BRD4: variants seen among roughly 807,000 people sequenced by gnomAD.
BRD4 encodes the protein bromodomain-containing protein 4.
In BRD4, 16 loss-of-function variants were observed where a neutral mutation model predicts 142.1. The ratio of observed to expected loss-of-function variants is 0.11; its 90% CI spans 0.08 to 0.17. The LOEUF (loss-of-function observed/expected upper bound fraction) is 0.17, where lower values mean the gene tolerates loss of function less well. BRD4 is among the 10% of genes least tolerant of loss of function. The probability of loss-of-function intolerance (pLI) is 1.00; values close to 1 mark genes in which losing one functional copy is unlikely to be tolerated. For synonymous variants in BRD4, 833 were observed against 707.5 expected (o/e 1.18, Z -2.82); for missense variants, 1,424 against 1,810.9 (o/e 0.79, Z 3.88).
rs1220673562 is a variant in BRD4, at chr19:15,332,419, G to A, written c.-164C>T. 3 of 146,002 alleles carry A rather than the reference G, an allele frequency of 2.1e-5. No homozygotes were observed. Among genetic ancestry groups the A allele is most frequent in the African/African-American group, 5.0e-5 (2 of 40,344 alleles). 9.0% of individuals were successfully genotyped at this position (146,002 alleles called of 1,614,324 possible). A position where few individuals can be genotyped will look rare whatever the true frequency, so the allele number is the denominator to read the frequency against. The stretch of plus-strand genomic sequence containing the variant: ...GAGCTCACAGGCCGCGCTCGCCCGC[G>A]GGCACCGCCGGCAGCCGCCGCAGCC... On this transcript the variant is annotated 5_prime_UTR_variant, in exon 1 of 20. Transcript: ENST00000679869.
Position 15,242,110 on chromosome 19 carries a change from G to A in BRD4, c.3169+790C>T, listed in dbSNP as rs1250222870. 2.0e-5 allele frequency among the ~76,000 whole-genome samples: 3 copies of A among 152,230 alleles called. No individual in the cohort carries two copies. The South Asian group carries it at 6.2e-4, about 32-fold the overall frequency. ...ATTACAGGCGTGAGCCACCGCGCCCGGCCTGCATCCAGCAGCTTTTGCTGG... is the reference window on the plus strand; with the variant it reads ...ATTACAGGCGTGAGCCACCGCGCCCAGCCTGCATCCAGCAGCTTTTGCTGG... On this transcript the variant is annotated intron_variant, in intron 14 of 19. Transcript: ENST00000679869.
rs2047188795 is a variant in BRD4 at position 15,235,904 on chromosome 19, A to G, written c.*2473T>C. 6.6e-6 allele frequency: 1 copy of G among 152,268 alleles called. No homozygotes were observed. The highest frequency in any genetic ancestry group is 6.5e-5 in the Admixed American group (1 of 15,284). 9.4% of individuals were successfully genotyped at this position (152,268 alleles called of 1,614,324 possible). ...AGCTGCAGAGAAAACTATCCAGCTCAGCAGTTGGACCCAGGCTGGGGAAGT... is the reference window on the plus strand; with the variant it reads ...AGCTGCAGAGAAAACTATCCAGCTCGGCAGTTGGACCCAGGCTGGGGAAGT... On this transcript the variant is annotated 3_prime_UTR_variant, in exon 20 of 20. Transcript: ENST00000679869.
rs574729938 is a variant in BRD4, at chr19:15,309,480, G to A, written c.-35+22810C>T. Among the ~76,000 whole-genome samples the A allele has an allele frequency of 5.3e-5, 8 of 152,274 alleles. No homozygotes were observed. The East Asian group carries it at 1.5e-3, about 29-fold the overall frequency. On this transcript the variant is annotated intron_variant, in intron 1 of 19. Transcript: ENST00000679869. The stretch of plus-strand genomic sequence containing the variant: ...CCTCATATGTCCAGCAATGTAAAAT[G>A]GGGCAGCCACTGTAAAACAGTCTGG...
At chr19:15,261,956 A>G (rs994821317) in intron 7 of BRD4, among the ~76,000 whole-genome samples, 3 of 152,234 alleles carry the variant, frequency 2.0e-5, no homozygotes, top group Admixed American at 6.5e-5. Context: ...TTAAATAACA[A>G]GAGCCACATC....
chr19:15,249,106 C>T (rs2047317724), intron 11 of BRD4: 2 of 1,048,238 alleles, frequency 1.9e-6, no homozygotes, highest in African/African-American at 1.6e-5. Flanking sequence ...CGGGACTAGG[C>T]GTGTGCTGCT....
chr19:15,301,865 GAAAAA>G (rs952860124), intron 1 of BRD4, among the ~76,000 whole-genome samples: 2 of 40,486 alleles, frequency 4.9e-5, no homozygotes, highest in East Asian at 6.2e-4. Context: ...CCGTCTCAAA[GAAAAA>G]AAAAAAAAAA....
chr19:15,304,313 C>G (rs1330353506), intron 1 of BRD4, among the ~76,000 whole-genome samples: 4 of 152,216 alleles, frequency 2.6e-5, no homozygotes, highest in Admixed American at 2.6e-4. Context: ...GCTGAGCTCA[C>G]TCAGTGCCTC....
At chr19:15,255,073 G>A (rs1299629350) in intron 10 of BRD4, among the ~76,000 whole-genome samples, 1 of 152,104 alleles carries the variant, frequency 6.6e-6, no homozygotes, top group Non-Finnish European at 1.5e-5. Context: ...ACAAGGTGCA[G>A]AGAGGCCCCA....
rs75115300 is a variant in BRD4, at chr19:15,244,060, T to C, written c.2581+171A>G. ...TTAATAACTCCATGCATGACCTGTC[T>C]TGAGGCATCTCCTTTAACTTCCAAG... On this transcript the variant is annotated intron_variant, in intron 13 of 19. Transcript: ENST00000679869. Among the ~76,000 whole-genome samples, 44 of 152,358 alleles carry C rather than the reference T, an allele frequency of 2.9e-4. No individual in the cohort carries two copies. The East Asian group carries it at 8.3e-3, about 29-fold the overall frequency.
intron 11 of BRD4, chr19:15,253,848 C>A: frequency 7.3e-7 from 1 of 1,366,172 alleles, no homozygotes; most frequent in Non-Finnish European, 1.0e-6. Flanking sequence ...TCCTCATGGC[C>A]CAGCTTCCCC....
At chr19:15,251,219 C>G (rs2047340302) in intron 11 of BRD4, among the ~76,000 whole-genome samples, 1 of 152,080 alleles carries the variant, frequency 6.6e-6, no homozygotes, top group Non-Finnish European at 1.5e-5. Flanking sequence ...AGAGGACCAC[C>G]CCACGCCTGC....
At chr19:15,314,459 T>C (rs1225464005) in intron 1 of BRD4, among the ~76,000 whole-genome samples, 1 of 152,190 alleles carries the variant, frequency 6.6e-6, no homozygotes, top group Non-Finnish European at 1.5e-5. Flanking sequence ...CACAGGGGCC[T>C]GGCTTTCTCA....
At chr19:15,305,735 G>C (rs1599508987) in intron 1 of BRD4, among the ~76,000 whole-genome samples, 1 of 152,210 alleles carries the variant, frequency 6.6e-6, no homozygotes, top group East Asian at 1.9e-4. Flanking sequence ...CCTAATGAGA[G>C]GCAGCCTGTC....
chr19:15,331,965 GGCCCCGCCGCGGCGCCCGC>G (rs2048165055), intron 1 of BRD4: 1 of 45,226 alleles, frequency 2.2e-5, no homozygotes. Flanking sequence ...CCCGACCGCC[GGCCCCGCCGCGGCGCCCGC>G]GCCCCCCACC....
At position 15,277,406 on chromosome 19, in the gene BRD4, G is replaced by A. The variant is rs139193462; in HGVS notation, c.-34-4273C>T. ...GCATTGCAGGAACTATCAGCACAAG[G>A]CAATTGATCATTTCAACACCAGATT... On this transcript the variant is annotated intron_variant, in intron 1 of 19. Transcript: ENST00000679869. 6.0e-3 allele frequency among the ~76,000 whole-genome samples: 912 copies of A among 152,184 alleles called. 4 individuals carry two copies. The highest frequency in any genetic ancestry group is 0.01 in the Non-Finnish European group (692 of 67,996).
At chr19:15,316,302 T>A (rs1234201963) in intron 1 of BRD4, among the ~76,000 whole-genome samples, 1 of 151,996 alleles carries the variant, frequency 6.6e-6, no homozygotes, top group Non-Finnish European at 1.5e-5. Context: ...CCATCCCGCT[T>A]CTATATTCCC....
chr19:15,307,808 A>C (rs2047927283), intron 1 of BRD4, among the ~76,000 whole-genome samples: 1 of 150,632 alleles, frequency 6.6e-6, no homozygotes, highest in South Asian at 2.1e-4. Context: ...CAGATTGCCT[A>C]AGAAGGGGTG....
intron 1 of BRD4, among the ~76,000 whole-genome samples, chr19:15,298,664 T>G: frequency 7.9e-6 from 1 of 127,044 alleles, no homozygotes; most frequent in African/African-American, 3.0e-5. Context: ...AAAAAAAGCT[T>G]GTGGTCACAT....
chr19:15,242,386 T>G (rs889515606), intron 14 of BRD4, among the ~76,000 whole-genome samples: 1 of 152,032 alleles, frequency 6.6e-6, no homozygotes, highest in Non-Finnish European at 1.5e-5. Flanking sequence ...GGGAAAAGGG[T>G]GGCGTGGACT....
Sources: gnomAD v4.1 joint callset for allele counts (sites outside exome capture counted in the v4.1 genomes callset) on GRCh38, gnomAD v4.1.1 for gene constraint, MANE v1.5 for transcripts, NCBI Gene and HGNC (gene_info 2026-07-23, HGNC 2026-07-21) for gene names.